Variants in KLHDC4 observed in about 807,000 individuals in gnomAD.
KLHDC4 encodes the protein kelch domain containing 4, also known as kelch domain-containing protein 4.
KLHDC4 carries 90 observed loss-of-function variants against 62.4 expected under a neutral mutation model. The observed-to-expected ratio is 1.44, with a 90% CI of 1.22 to 1.72. The LOEUF (loss-of-function observed/expected upper bound fraction) is 1.72, where lower values mean the gene tolerates loss of function less well. Ranked by LOEUF, KLHDC4 falls within the 40% of genes most tolerant of loss-of-function variation. The pLI, the probability that KLHDC4 is intolerant of heterozygous loss-of-function variation, is 0.00. For missense variants in KLHDC4, 1,025 were observed against 699.7 expected (o/e 1.47, Z -5.25); for synonymous variants, 386 against 284.4 (o/e 1.36, Z -3.59).
chr16:87,730,799 A>G (rs34457954), intron 5 of KLHDC4, 155 bp from the exon 6 acceptor site: 51,807 of 614,952 alleles, frequency 0.084, 3,077 homozygotes, highest in East Asian at 0.17. Context: ...TGATCTATCA[A>G]CTACCAAAAC....
At position 87,708,323 on chromosome 16, in the gene KLHDC4, G is replaced by A. The variant is rs151165491; in HGVS notation, c.*1+27C>T. ...CCTTTCACGAACACCCAGCAGCCGCGCCACCCGCCAGCCCGAGCCCGCTCA... is the reference window on the plus strand; with the variant it reads ...CCTTTCACGAACACCCAGCAGCCGCACCACCCGCCAGCCCGAGCCCGCTCA... On this transcript the variant is annotated intron_variant, in intron 11 of 11. Coordinates refer to ENST00000270583, the MANE Select transcript of KLHDC4 (RefSeq NM_017566.4). The A allele has an allele frequency of 2.5e-4, 358 of 1,455,234 alleles. No homozygotes were observed. The African/African-American group carries it at 4.1e-3, about 17-fold the overall frequency. The allele number at this position is 1,455,234 out of a possible 1,614,324, so 90.1% of individuals were successfully genotyped here. A position where few individuals can be genotyped will look rare whatever the true frequency, so the allele number is the denominator to read the frequency against.
chr16:87,736,010 G>A (rs895480169), intron 5 of KLHDC4, among the ~76,000 whole-genome samples: 4 of 152,240 alleles, frequency 2.6e-5, no homozygotes, highest in Admixed American at 6.5e-5. Flanking sequence ...TTCTCTGAGT[G>A]ACTTTACAGT....
At chr16:87,756,971 A>T (rs898484942) in intron 2 of KLHDC4, among the ~76,000 whole-genome samples, 2 of 151,416 alleles carry the variant, frequency 1.3e-5, no homozygotes, top group Non-Finnish European at 2.9e-5. Flanking sequence ...CCACCACCAC[A>T]CCCAGCTAGT....
At chr16:87,700,784 G>C (rs2034107595) in exon 1 of KLHDC4, 1 of 218,586 alleles carries the variant, frequency 4.6e-6, no homozygotes, top group Admixed American at 6.7e-5. Context: ...GCGGAGGGAG[G>C]AGGTTGGAGG....
chr16:87,706,395 G>C (rs1006997924), downstream of KLHDC4, among the ~76,000 whole-genome samples: 1 of 128,356 alleles, frequency 7.8e-6, no homozygotes, highest in African/African-American at 3.3e-5. Context: ...GGGGGGGTTG[G>C]TCGGCACAAC....
intron 7 of KLHDC4, among the ~76,000 whole-genome samples, chr16:87,722,954 C>T (rs185765904): frequency 3.3e-5 from 5 of 152,294 alleles, no homozygotes; most frequent in Non-Finnish European, 4.4e-5. Flanking sequence ...ACGGGGCCTG[C>T]GTGGGAGAGA....
rs894120304 is a variant in KLHDC4, at chr16:87,702,003, C to T, written c.512G>A (p.Cys171Tyr). 43 of 456,342 alleles carry T rather than the reference C, an allele frequency of 9.4e-5. No homozygotes were observed. In the Middle Eastern group the frequency reaches 9.8e-4, roughly 10 times the overall value. The allele number at this position is 456,342 out of a possible 1,614,324, so 28.3% of individuals were successfully genotyped here. The change falls in exon 1 of 1, where the codon TGC becomes TAC. Residue 171 changes from cysteine (C) to tyrosine (Y), a missense_variant. By Grantham distance (194) the Cys-to-Tyr change is radical. Transcript: ENST00000446344. ...GGGCCTGCAACAAAGCTCAGCCCAG[C>T]AGCCAGGCAGCTCCTTACAGAGGCT...
intron 2 of KLHDC4, among the ~76,000 whole-genome samples, chr16:87,757,964 T>G (rs2045251207): frequency 6.6e-6 from 1 of 152,186 alleles, no homozygotes; most frequent in African/African-American, 2.4e-5. Context: ...AGTGACTATC[T>G]GGCGAATCAC....
chr16:87,755,303 G>A lies in KLHDC4; in HGVS notation c.271-11C>T, dbSNP rs1425789858. On this transcript the variant is annotated splice_polypyrimidine_tract_variant and intron_variant, in intron 3 of 11. Transcript: ENST00000270583. The stretch of plus-strand genomic sequence containing the variant: ...GTTATACAAAAAAGTCTACAGGAAG[G>A]AAGAAGAATGTCAGTGTCACAAATG... 4 of 1,427,834 alleles carry A rather than the reference G, an allele frequency of 2.8e-6. No individual in the cohort carries two copies. The highest frequency in any genetic ancestry group is 1.2e-5 in the South Asian group (1 of 86,532). 88.4% of individuals were successfully genotyped at this position (1,427,834 alleles called of 1,614,324 possible). A position where few individuals can be genotyped will look rare whatever the true frequency, so the allele number is the denominator to read the frequency against.
chr16:87,765,658 T>C (rs2046551238), intron 1 of KLHDC4, 134 bp downstream of exon 1: 2 of 819,720 alleles, frequency 2.4e-6, no homozygotes, highest in Admixed American at 6.2e-5. Context: ...CCGGGGCAGT[T>C]CCTACGGCCT....
chr16:87,762,986 G>A (rs954723563), intron 1 of KLHDC4, among the ~76,000 whole-genome samples: 2 of 152,118 alleles, frequency 1.3e-5, no homozygotes, highest in African/African-American at 4.8e-5. Context: ...GAAAACGCCA[G>A]GTTCCCTCAG....
chr16:87,758,363 G>C lies in KLHDC4; in HGVS notation c.192-1886C>G, dbSNP rs542750794. On this transcript the variant is annotated intron_variant, in intron 2 of 11. Transcript: ENST00000270583. ...ATGTGGCATACCCACAGACGGAACA[G>C]GATTTAGCCATAAGAAGAAATAAAG... 7.2e-5 allele frequency among the ~76,000 whole-genome samples: 11 copies of C among 152,308 alleles called. No individual in the cohort carries two copies. The South Asian group carries it at 2.3e-3, about 32-fold the overall frequency.
chr16:87,720,334 G>C (rs79152174), intron 7 of KLHDC4, among the ~76,000 whole-genome samples: 4,235 of 152,234 alleles, frequency 0.028, 209 homozygotes, highest in African/African-American at 0.097. Flanking sequence ...TCGGTTCCAA[G>C]CGGACGTGTG....
chr16:87,718,570 C>T (rs189803384), intron 7 of KLHDC4, among the ~76,000 whole-genome samples: 25 of 151,884 alleles, frequency 1.6e-4, no homozygotes, highest in Admixed American at 9.2e-4. Flanking sequence ...GATCTCGGCT[C>T]GCTACAACCC....
At chr16:87,741,227 C>G (rs1393371111) in intron 5 of KLHDC4, among the ~76,000 whole-genome samples, 2 of 152,190 alleles carry the variant, frequency 1.3e-5, no homozygotes, top group African/African-American at 2.4e-5. Context: ...CAAAAACACC[C>G]GCCAGCCAAC....
intron 5 of KLHDC4, among the ~76,000 whole-genome samples, chr16:87,734,559 T>C (rs1369637608): frequency 2.0e-5 from 3 of 152,146 alleles, no homozygotes. Context: ...CCCTCCATCA[T>C]ATCAGCACCC....
At chr16:87,763,540 G>A (rs548013498) in intron 1 of KLHDC4, 2 of 152,334 alleles carry the variant, frequency 1.3e-5, no homozygotes, top group South Asian at 2.1e-4. Flanking sequence ...GGGAGGCAGA[G>A]GTTGCAATGA....
chr16:87,720,327 G>T (rs938046542), intron 7 of KLHDC4, among the ~76,000 whole-genome samples: 1 of 152,144 alleles, frequency 6.6e-6, no homozygotes, highest in Non-Finnish European at 1.5e-5. Flanking sequence ...TAGGGTGTCG[G>T]TTCCAAGCGG....
At chr16:87,740,044 GA>G (rs1400783823) in intron 5 of KLHDC4, among the ~76,000 whole-genome samples, 3 of 152,162 alleles carry the variant, frequency 2.0e-5, no homozygotes, top group Non-Finnish European at 4.4e-5. Context: ...TGGAGTCACA[GA>G]TCATCCCTCA....
Sources: allele counts gnomAD v4.1 joint callset (sites outside exome capture counted in the v4.1 genomes callset), GRCh38; gene constraint gnomAD v4.1.1; transcripts MANE v1.5; gene names NCBI Gene and HGNC (gene_info 2026-07-23, HGNC 2026-07-21).